Variants in CFAP96 observed in about 807,000 individuals in gnomAD.
The protein encoded by CFAP96 is cilia-and flagella-associated protein 96.
the CFAP96 span, among the ~76,000 whole-genome samples, chr4:185,414,885 G>A: frequency 6.6e-6 from 1 of 151,960 alleles, no homozygotes; most frequent in East Asian, 1.9e-4. Flanking sequence ...TTTCATTATG[G>A]AAAAATATTA....
At chr4:185,445,109 T>G in the CFAP96 span, 1 of 1,551,562 alleles carries the variant, frequency 6.4e-7, no homozygotes, top group South Asian at 1.2e-5. Flanking sequence ...GTTGAAAGTA[T>G]AATGACTTTG....
chr4:185,427,172 A>T, the CFAP96 span, among the ~76,000 whole-genome samples: 1 of 152,168 alleles, frequency 6.6e-6, no homozygotes, highest in Non-Finnish European at 1.5e-5. Context: ...GGAGCTGCGC[A>T]GATGCGGGGA....
chr4:185,425,043 C>T, the CFAP96 span, among the ~76,000 whole-genome samples: 4 of 152,202 alleles, frequency 2.6e-5, no homozygotes, highest in African/African-American at 2.4e-5. Context: ...TAGGTGACTA[C>T]CCCAGATGGA....
At chr4:185,437,317 A>G in the CFAP96 span, among the ~76,000 whole-genome samples, 2 of 152,240 alleles carry the variant, frequency 1.3e-5, no homozygotes, top group East Asian at 1.9e-4. Context: ...CGGAATGTCT[A>G]TTTGTAAATA....
At chr4:185,437,458 T>G in the CFAP96 span, among the ~76,000 whole-genome samples, 2 of 152,218 alleles carry the variant, frequency 1.3e-5, no homozygotes, top group Non-Finnish European at 2.9e-5. Flanking sequence ...GCAATCACTT[T>G]GTAGTTTTTT....
chr4:185,440,587 G>A, the CFAP96 span: 1 of 1,535,682 alleles, frequency 6.5e-7, no homozygotes, highest in South Asian at 1.2e-5. Flanking sequence ...CACCATTTAA[G>A]TTAAATCTTC....
At chr4:185,435,190 C>T in the CFAP96 span, among the ~76,000 whole-genome samples, 1 of 152,168 alleles carries the variant, frequency 6.6e-6, no homozygotes, top group Non-Finnish European at 1.5e-5. Flanking sequence ...TTTAGAATTT[C>T]ATTATATAGG....
chr4:185,427,009 A>C, the CFAP96 span, among the ~76,000 whole-genome samples: 2 of 150,602 alleles, frequency 1.3e-5, no homozygotes, highest in Non-Finnish European at 2.9e-5. Flanking sequence ...GGCTGCAGAG[A>C]GCCAAGACAG....
chr4:185,438,724 G>A, the CFAP96 span, among the ~76,000 whole-genome samples: 1 of 152,086 alleles, frequency 6.6e-6, no homozygotes, highest in Admixed American at 6.6e-5. Flanking sequence ...ACTTAGAAAT[G>A]GTTTTTACCT....
chr4:185,444,243 G>A, the CFAP96 span, among the ~76,000 whole-genome samples: 4 of 151,964 alleles, frequency 2.6e-5, no homozygotes, highest in African/African-American at 9.7e-5. Context: ...GTGAGCCACC[G>A]CGCCCGGCCT....
chr4:185,443,320 G>GTGTATATA, the CFAP96 span, among the ~76,000 whole-genome samples: 13 of 55,992 alleles, frequency 2.3e-4, 1 homozygote, highest in African/African-American at 8.3e-4. Context: ...TATTTTTTAT[G>GTGTATATA]TATATATATA....
chr4:185,429,210 G>T, the CFAP96 span: 1 of 419,066 alleles, frequency 2.4e-6, no homozygotes, highest in Non-Finnish European at 4.1e-6. Flanking sequence ...TTTCCCCATG[G>T]AGTATGAGGC....
At chr4:185,429,782 A>C in the CFAP96 span, among the ~76,000 whole-genome samples, 1 of 152,044 alleles carries the variant, frequency 6.6e-6, no homozygotes, top group Admixed American at 6.6e-5. Context: ...GGTTCCTCCC[A>C]TCTTCAGCCT....
the CFAP96 span, among the ~76,000 whole-genome samples, chr4:185,420,602 T>C: frequency 6.6e-6 from 1 of 152,336 alleles, no homozygotes; most frequent in South Asian, 2.1e-4. Flanking sequence ...TTAAAATATT[T>C]TGATATGTTT....
At chr4:185,413,375 G>A in the CFAP96 span, among the ~76,000 whole-genome samples, 11 of 152,076 alleles carry the variant, frequency 7.2e-5, no homozygotes, top group South Asian at 2.1e-4. Flanking sequence ...GTGACAGAGC[G>A]AGACTCTGTC....
chr4:185,411,963 CT>C, the CFAP96 span, among the ~76,000 whole-genome samples: 1 of 152,084 alleles, frequency 6.6e-6, no homozygotes, highest in African/African-American at 2.4e-5. Flanking sequence ...GCTGAAACTA[CT>C]TTTTAAAAAG....
At chr4:185,425,972 G>A in the CFAP96 span, 3 of 1,355,918 alleles carry the variant, frequency 2.2e-6, no homozygotes, top group South Asian at 1.3e-5. Context: ...GGCCCGGGCG[G>A]ACCAACTACA....
At chr4:185,436,334 A>C in the CFAP96 span, 5 of 1,550,422 alleles carry the variant, frequency 3.2e-6, no homozygotes, top group Non-Finnish European at 4.4e-6. Flanking sequence ...GCCGACTTCT[A>C]TGATGCAGCA....
chr4:185,445,795 A>C, the CFAP96 span, among the ~76,000 whole-genome samples: 1 of 152,186 alleles, frequency 6.6e-6, no homozygotes, highest in Admixed American at 6.5e-5. Flanking sequence ...TACTAACATT[A>C]GTATTATTTC....
Sources: allele counts gnomAD v4.1 joint callset (sites outside exome capture counted in the v4.1 genomes callset), GRCh38; gene constraint gnomAD v4.1.1; transcripts MANE v1.5; gene names NCBI Gene and HGNC (gene_info 2026-07-23, HGNC 2026-07-21).